The following LPP variants were observed in gnomAD, a reference collection of about 807,000 sequenced individuals.
The protein encoded by LPP is LIM domain containing preferred translocation partner in lipoma.
Under a neutral mutation model 60.4 loss-of-function variants are expected in LPP, and 38 were observed. That is an observed-to-expected ratio of 0.63 (90% CI 0.49 to 0.83). LPP has a LOEUF of 0.83. Ranked by LOEUF, LPP falls within the 40% of genes least tolerant of loss-of-function variation. LPP has a pLI of 0.00. For missense variants in LPP, 902 were observed against 783.6 expected (o/e 1.15, Z -1.80); for synonymous variants, 328 against 290.8 (o/e 1.13, Z -1.30).
At position 188,875,340 on chromosome 3, in the gene LPP, T is replaced by C. The variant is rs1769127634; in HGVS notation, c.*861T>C. 1 of 219,270 alleles carries C rather than the reference T, an allele frequency of 4.6e-6. No individual in the cohort carries two copies. Among genetic ancestry groups the C allele is most frequent in the African/African-American group, 2.2e-5 (1 of 44,558 alleles). 13.6% of individuals were successfully genotyped at this position (219,270 alleles called of 1,614,324 possible). ...GACAAACTTGATTTCTTCTAGAAGA[T>C]AACATTTTCAATACTGTCCCACTTC... On this transcript the variant is annotated 3_prime_UTR_variant, in exon 12 of 12. Transcript: ENST00000617246.
rs1769202682 is a variant in LPP at position 188,875,951 on chromosome 3, T to C, written c.*1472T>C. The C allele has an allele frequency of 5.4e-6, 1 of 183,520 alleles. No homozygotes were observed. Among genetic ancestry groups the C allele is most frequent in the East Asian group, 8.9e-5 (1 of 11,270 alleles). The allele number at this position is 183,520 out of a possible 1,614,324, so 11.4% of individuals were successfully genotyped here. A position where few individuals can be genotyped will look rare whatever the true frequency, so the allele number is the denominator to read the frequency against. On this transcript the variant is annotated 3_prime_UTR_variant, in exon 12 of 12. Transcript: ENST00000617246. ...TCAAATCTCCCACAAGTATATACTT[T>C]TAAATTATGGAGTATTTTAAGTCTA...
intron 3 of LPP, among the ~76,000 whole-genome samples, chr3:188,375,133 A>G (rs1170060608): frequency 6.6e-6 from 1 of 152,168 alleles, no homozygotes; most frequent in Non-Finnish European, 1.5e-5. Flanking sequence ...GGATTTTTGC[A>G]TCAATGTTCA....
chr3:188,632,138 CCTCT>C (rs1174427695), intron 7 of LPP, among the ~76,000 whole-genome samples: 17 of 151,862 alleles, frequency 1.1e-4, no homozygotes, highest in Non-Finnish European at 2.2e-4. Flanking sequence ...TTTTTCCCTC[CCTCT>C]CTCCTTACCT....
At chr3:188,782,280 C>A (rs1740039137) in intron 9 of LPP, among the ~76,000 whole-genome samples, 1 of 152,154 alleles carries the variant, frequency 6.6e-6, no homozygotes, top group South Asian at 2.1e-4. Flanking sequence ...TCAGGACCAT[C>A]CTTGCCACTT....
At chr3:188,448,448 C>A (rs1277966435) in intron 4 of LPP, among the ~76,000 whole-genome samples, 2 of 147,080 alleles carry the variant, frequency 1.4e-5, no homozygotes, top group South Asian at 2.2e-4. Context: ...ATTTAGATAT[C>A]TATATTTAGA....
At chr3:188,377,945 G>T (rs925108083) in intron 3 of LPP, among the ~76,000 whole-genome samples, 1 of 152,164 alleles carries the variant, frequency 6.6e-6, no homozygotes, top group African/African-American at 2.4e-5. Flanking sequence ...TCAGCTGCAG[G>T]TCTGTTGGAG....
At chr3:188,230,328 T>C (rs1268685062) in intron 2 of LPP, among the ~76,000 whole-genome samples, 2 of 152,112 alleles carry the variant, frequency 1.3e-5, no homozygotes, top group African/African-American at 4.8e-5. Flanking sequence ...TCATGATCCA[T>C]CCACCTTGGC....
At chr3:188,510,306 G>A (rs1815073331) in intron 5 of LPP, among the ~76,000 whole-genome samples, 1 of 152,094 alleles carries the variant, frequency 6.6e-6, no homozygotes, top group African/African-American at 2.4e-5. Context: ...TGGGTCTAAG[G>A]CAGAAATGTG....
chr3:188,735,432 A>T (rs901494999), intron 8 of LPP, among the ~76,000 whole-genome samples: 3 of 152,062 alleles, frequency 2.0e-5, no homozygotes, highest in African/African-American at 7.2e-5. Context: ...CCCAGGCTGG[A>T]GTGCAATGGT....
Position 188,563,068 on chromosome 3 carries a change from G to A in LPP, c.429+38281G>A, listed in dbSNP as rs201391940. The stretch of plus-strand genomic sequence containing the variant: ...ATCATCATCCCACTATTACACACAC[G>A]GTTGAGTGAGTTACGCTAAATACTA... On this transcript the variant is annotated intron_variant, in intron 6 of 11. Coordinates refer to ENST00000617246, the MANE Select transcript of LPP (RefSeq NM_001375462.1). Among the ~76,000 whole-genome samples the A allele has an allele frequency of 3.2e-4, 49 of 151,942 alleles. 1 individual carries two copies. In the East Asian group the frequency reaches 5.3e-3, roughly 16 times the overall value.
At chr3:188,159,342 C>G (rs1440452115) in intron 1 of LPP, among the ~76,000 whole-genome samples, 4 of 152,170 alleles carry the variant, frequency 2.6e-5, no homozygotes, top group Non-Finnish European at 5.9e-5. Context: ...TTTGGCCACT[C>G]ACAGATAAAA....
At chr3:188,386,262 G>GCA (rs1491209525) in intron 3 of LPP, among the ~76,000 whole-genome samples, 2,534 of 69,422 alleles carry the variant, frequency 0.037, 75 homozygotes, top group African/African-American at 0.11. Context: ...CATAGCATGC[G>GCA]CGCACACACA....
chr3:188,600,685 T>G (rs1393260639), intron 6 of LPP, among the ~76,000 whole-genome samples: 2 of 152,122 alleles, frequency 1.3e-5, no homozygotes, highest in African/African-American at 4.8e-5. Context: ...ACATATCCAT[T>G]AAACAATAAT....
chr3:188,527,981 A>G (rs528627473), intron 6 of LPP, among the ~76,000 whole-genome samples: 107 of 152,294 alleles, frequency 7.0e-4, no homozygotes, highest in Non-Finnish European at 1.0e-3. Flanking sequence ...GCATGGATTT[A>G]TGCAATTGAA....
intron 5 of LPP, among the ~76,000 whole-genome samples, chr3:188,506,442 T>C: frequency 6.6e-6 from 1 of 152,234 alleles, no homozygotes; most frequent in East Asian, 1.9e-4. Context: ...TGGGGTAATG[T>C]AATCATTGCA....
At chr3:188,215,021 C>T (rs1444408735) in intron 1 of LPP, among the ~76,000 whole-genome samples, 2 of 152,058 alleles carry the variant, frequency 1.3e-5, no homozygotes, top group African/African-American at 4.8e-5. Context: ...GAGTACAGTT[C>T]AAGCCTGGGC....
At chr3:188,812,555 C>A (rs981353988) in intron 9 of LPP, among the ~76,000 whole-genome samples, 4 of 152,148 alleles carry the variant, frequency 2.6e-5, no homozygotes, top group Non-Finnish European at 5.9e-5. Context: ...CTTTCCCCTT[C>A]TCTTGTGCAT....
At chr3:188,270,446 C>A (rs1737359852) in intron 2 of LPP, among the ~76,000 whole-genome samples, 1 of 152,174 alleles carries the variant, frequency 6.6e-6, no homozygotes, top group Admixed American at 6.5e-5. Context: ...GAGTTTGAAT[C>A]AATTCTTCCT....
intron 3 of LPP, among the ~76,000 whole-genome samples, chr3:188,402,725 A>G (rs1782536602): frequency 6.6e-6 from 1 of 152,266 alleles, no homozygotes; most frequent in African/African-American, 2.4e-5. Flanking sequence ...TTGTGCCGGT[A>G]TAGTGAGACT....
Sources: gnomAD v4.1 joint callset for allele counts (sites outside exome capture counted in the v4.1 genomes callset) on GRCh38, gnomAD v4.1.1 for gene constraint, MANE v1.5 for transcripts, NCBI Gene and HGNC (gene_info 2026-07-23, HGNC 2026-07-21) for gene names.